The following IQGAP2 variants were observed in gnomAD, a reference collection of about 807,000 sequenced individuals.
IQGAP2 encodes the protein ras GTPase-activating-like protein IQGAP2.
A neutral mutation model predicts 201.3 loss-of-function variants in IQGAP2; 173 were observed. The ratio of observed to expected loss-of-function variants is 0.86; its 90% CI spans 0.76 to 0.98. The LOEUF is 0.98. Among genes scored for constraint, IQGAP2 ranks in the 50% least tolerant of loss-of-function variants. The pLI, the probability that IQGAP2 is intolerant of heterozygous loss-of-function variation, is 0.00. For synonymous variants in IQGAP2, 675 were observed against 673.9 expected (o/e 1.00, Z -0.03); for missense variants, 1,687 against 1,864.8 (o/e 0.90, Z 1.76).
intron 30 of IQGAP2, among the ~76,000 whole-genome samples, chr5:76,685,303 G>T (rs1177384488): frequency 6.6e-6 from 1 of 152,172 alleles, no homozygotes; most frequent in Non-Finnish European, 1.5e-5. Flanking sequence ...AGATTGTGTG[G>T]TTTTGCCATG....
rs142453973 is a variant in IQGAP2 at position 76,542,164 on chromosome 5, T to C, written c.147-20232T>C. Among the ~76,000 whole-genome samples the C allele has an allele frequency of 7.0e-3, 1,066 of 151,700 alleles. 3 individuals carry two copies. The highest frequency in any genetic ancestry group is 0.024 in the African/African-American group (1,010 of 41,448). On this transcript the variant is annotated intron_variant, in intron 2 of 35. Coordinates refer to ENST00000274364, the MANE Select transcript of IQGAP2 (RefSeq NM_006633.5). ...ATGCCATACTAATTAAAAAAAAAAA[T>C]TGATAGAGATGGTGTCACACTGCTG...
intron 1 of IQGAP2, among the ~76,000 whole-genome samples, chr5:76,423,003 C>T (rs6453220): frequency 0.087 from 13,174 of 152,174 alleles, 969 homozygotes; most frequent in African/African-American, 0.19. Flanking sequence ...ATGAACCAGG[C>T]AATGCTACGC....
intron 5 of IQGAP2, among the ~76,000 whole-genome samples, chr5:76,584,794 C>T (rs1390352521): frequency 6.6e-6 from 1 of 152,140 alleles, no homozygotes; most frequent in Non-Finnish European, 1.5e-5. Context: ...AACAGCAAGT[C>T]TCAAACACTA....
chr5:76,409,999 G>T (rs1751023317), intron 1 of IQGAP2, among the ~76,000 whole-genome samples: 1 of 152,206 alleles, frequency 6.6e-6, no homozygotes, highest in African/African-American at 2.4e-5. Flanking sequence ...GGCTGATGTG[G>T]TTCCTGGCAC....
At chr5:76,623,499 C>T in intron 13 of IQGAP2, 1 of 456,610 alleles carries the variant, frequency 2.2e-6, no homozygotes, top group Non-Finnish European at 3.9e-6. Flanking sequence ...CTCTTACCCA[C>T]CCCCAACAAT....
chr5:76,559,128 C>G (rs1744154891), intron 2 of IQGAP2, among the ~76,000 whole-genome samples: 1 of 152,126 alleles, frequency 6.6e-6, no homozygotes, highest in South Asian at 2.1e-4. Flanking sequence ...ATCTCTATCT[C>G]CTGACCTCGT....
intron 1 of IQGAP2, among the ~76,000 whole-genome samples, chr5:76,431,859 T>C (rs1752387819): frequency 6.6e-6 from 1 of 151,754 alleles, no homozygotes; most frequent in Non-Finnish European, 1.5e-5. Context: ...TACTGTTTTT[T>C]GTTCCTCTTA....
chr5:76,639,236 A>C (rs16873541), intron 16 of IQGAP2, among the ~76,000 whole-genome samples: 3,489 of 152,322 alleles, frequency 0.023, 154 homozygotes, highest in African/African-American at 0.079. Flanking sequence ...AGCAGTTTGT[A>C]CTAATTCTGC....
intron 5 of IQGAP2, among the ~76,000 whole-genome samples, chr5:76,585,138 G>A (rs868126681): frequency 5.3e-5 from 8 of 152,148 alleles, no homozygotes; most frequent in South Asian, 2.1e-4. Context: ...TTCCACAGGT[G>A]GGAAAGTTAG....
At chr5:76,650,347 A>C (rs148709193) in intron 17 of IQGAP2, among the ~76,000 whole-genome samples, 421 of 152,348 alleles carry the variant, frequency 2.8e-3, no homozygotes, top group African/African-American at 9.7e-3. Flanking sequence ...AGTTGCCTTT[A>C]TAAAGTAGCT....
chr5:76,423,223 ACTGT>A (rs1751818811), intron 1 of IQGAP2, among the ~76,000 whole-genome samples: 1 of 152,242 alleles, frequency 6.6e-6, no homozygotes. Context: ...TGGCACAGTG[ACTGT>A]CTAATCATGA....
intron 1 of IQGAP2, among the ~76,000 whole-genome samples, chr5:76,459,355 T>A (rs879033066): frequency 6.6e-6 from 1 of 152,028 alleles, no homozygotes. Flanking sequence ...ACCGCCTTTT[T>A]AATGTGACTC....
intron 30 of IQGAP2, among the ~76,000 whole-genome samples, chr5:76,687,842 G>A (rs1265236839): frequency 6.6e-6 from 1 of 152,138 alleles, no homozygotes; most frequent in African/African-American, 2.4e-5. Flanking sequence ...ATGGTGAGTT[G>A]TATAATTATT....
At chr5:76,648,511 C>T (rs1752262036) in intron 17 of IQGAP2, among the ~76,000 whole-genome samples, 1 of 152,124 alleles carries the variant, frequency 6.6e-6, no homozygotes, top group South Asian at 2.1e-4. Flanking sequence ...TGTCAAGAAC[C>T]AAGAAAATCA....
chr5:76,444,584 C>A (rs1484606977), intron 1 of IQGAP2, among the ~76,000 whole-genome samples: 1 of 152,192 alleles, frequency 6.6e-6, no homozygotes, highest in Non-Finnish European at 1.5e-5. Flanking sequence ...CAGGCGTGAG[C>A]CACTGTGCCT....
chr5:76,619,545 C>A (rs1447179876), intron 13 of IQGAP2, among the ~76,000 whole-genome samples: 2 of 124,004 alleles, frequency 1.6e-5, no homozygotes, highest in African/African-American at 6.4e-5. Context: ...TTGAGACAGT[C>A]TCACTCTGTC....
chr5:76,700,684 T>C (rs1707393403), intron 33 of IQGAP2, among the ~76,000 whole-genome samples: 1 of 152,230 alleles, frequency 6.6e-6, no homozygotes, highest in African/African-American at 2.4e-5. Flanking sequence ...GCTAGCCACA[T>C]AGTGTTTGTT....
intron 2 of IQGAP2, among the ~76,000 whole-genome samples, chr5:76,504,132 C>A (rs1357456681): frequency 1.3e-5 from 2 of 152,182 alleles, no homozygotes; most frequent in Non-Finnish European, 2.9e-5. Flanking sequence ...CAAAGAGGAG[C>A]TTGCTTCCTC....
At chr5:76,548,869 C>T (rs1294943330) in intron 2 of IQGAP2, among the ~76,000 whole-genome samples, 2 of 152,066 alleles carry the variant, frequency 1.3e-5, no homozygotes, top group Non-Finnish European at 2.9e-5. Context: ...TACTAAATGC[C>T]ATTTAAGAGT....
Sources: gnomAD v4.1 joint callset for allele counts (sites outside exome capture counted in the v4.1 genomes callset) on GRCh38, gnomAD v4.1.1 for gene constraint, MANE v1.5 for transcripts, NCBI Gene and HGNC (gene_info 2026-07-23, HGNC 2026-07-21) for gene names.